SLC39A12: variants seen among roughly 807,000 people sequenced by gnomAD.
SLC39A12 encodes zinc transporter ZIP12.
Under a neutral mutation model 71.1 loss-of-function variants are expected in SLC39A12, and 63 were observed. The ratio of observed to expected loss-of-function variants is 0.89; its 90% CI spans 0.72 to 1.09. The LOEUF (loss-of-function observed/expected upper bound fraction) is 1.09. Among genes scored for constraint, SLC39A12 ranks in the 50% least tolerant of loss-of-function variants. The pLI is 0.00. For synonymous variants in SLC39A12, 351 were observed against 301.3 expected (o/e 1.16, Z -1.71); for missense variants, 892 against 812.6 (o/e 1.10, Z -1.19).
chr10:18,014,087 A>C (rs1024379235), intron 12 of SLC39A12, among the ~76,000 whole-genome samples: 2 of 152,202 alleles, frequency 1.3e-5, no homozygotes, highest in Non-Finnish European at 2.9e-5. Context: ...TTTCCAATCC[A>C]TGAACGTGAG....
chr10:18,040,316 G>A (rs1837185643), intron 12 of SLC39A12, among the ~76,000 whole-genome samples: 1 of 152,140 alleles, frequency 6.6e-6, no homozygotes, highest in African/African-American at 2.4e-5. Context: ...ACCCAGGAGA[G>A]CAGTTCTGGA....
At chr10:18,023,073 C>G (rs572362675) in intron 12 of SLC39A12, among the ~76,000 whole-genome samples, 1 of 152,180 alleles carries the variant, frequency 6.6e-6, no homozygotes, top group South Asian at 2.1e-4. Context: ...GAGTGCTGGT[C>G]ACAGATCTCA....
chr10:17,979,963 A>C (rs762555625), intron 5 of SLC39A12, among the ~76,000 whole-genome samples: 2 of 152,168 alleles, frequency 1.3e-5, no homozygotes, highest in South Asian at 2.1e-4. Context: ...CCAAACTGTG[A>C]AAGGAAGTAG....
At chr10:18,007,555 A>C (rs1237004776) in intron 12 of SLC39A12, among the ~76,000 whole-genome samples, 1 of 152,234 alleles carries the variant, frequency 6.6e-6, no homozygotes, top group East Asian at 1.9e-4. Context: ...TTATTAAGAA[A>C]GTAAAAGGAT....
In SLC39A12 at chr10:17,961,739, T is replaced by C. The variant is rs782455653; in HGVS notation, c.420T>C (p.Tyr140=). 1.4e-5 allele frequency: 23 copies of C among 1,613,988 alleles called. No individual in the cohort carries two copies. Among genetic ancestry groups the C allele is most frequent in the Middle Eastern group, 3.3e-4 (2 of 6,084 alleles). The change falls in exon 3 of 13, where the codon TAT becomes TAC. Residue 140 remains tyrosine, a synonymous_variant. Coordinates refer to ENST00000377369, the MANE Select transcript of SLC39A12 (RefSeq NM_001145195.2). ...SSKLNMSNKE[Y]KFYLHSLLSL... is the part of the protein sequence containing the mutation. ...AGCTCAACATGAGTAATAAAGAGTA[T>C]AAATTTTACCTACACAGCCTACTGA... is the stretch of plus-strand genomic sequence containing the variant.
chr10:18,036,775 TATATATATATATATATA>T (rs1377342246), intron 12 of SLC39A12, among the ~76,000 whole-genome samples: 4,173 of 22,250 alleles, frequency 0.19, 373 homozygotes, highest in Non-Finnish European at 0.26. Context: ...TATATATATA[TATATATATATATATATA>T]TATTTTTTTT....
chr10:17,979,093 C>T (rs1408686604), intron 5 of SLC39A12, among the ~76,000 whole-genome samples: 2 of 152,150 alleles, frequency 1.3e-5, no homozygotes, highest in African/African-American at 4.8e-5. Flanking sequence ...CTGATAACAT[C>T]AACACAAGTA....
At chr10:17,956,559 C>A (rs1292657172) in intron 2 of SLC39A12, among the ~76,000 whole-genome samples, 1 of 152,162 alleles carries the variant, frequency 6.6e-6, no homozygotes, top group Non-Finnish European at 1.5e-5. Flanking sequence ...GTTCCCTGTG[C>A]CTCACAGCAA....
intron 9 of SLC39A12, among the ~76,000 whole-genome samples, chr10:17,994,643 C>T (rs538986703): frequency 4.6e-5 from 7 of 152,068 alleles, no homozygotes; most frequent in African/African-American, 1.7e-4. Flanking sequence ...TTTCTATATC[C>T]TCCCAATTTC....
At chr10:18,038,050 A>AAAAAC (rs1837111469) in intron 12 of SLC39A12, among the ~76,000 whole-genome samples, 1 of 132,284 alleles carries the variant, frequency 7.6e-6, no homozygotes, top group African/African-American at 3.1e-5. Flanking sequence ...AAAAAAAAAA[A>AAAAAC]AGCACAGCTA....
intron 12 of SLC39A12, among the ~76,000 whole-genome samples, chr10:18,040,361 G>A (rs537716349): frequency 5.3e-5 from 8 of 152,298 alleles, no homozygotes; most frequent in African/African-American, 7.2e-5. Context: ...GCTCCATGCC[G>A]GGATGTGAGA....
At chr10:17,962,065 T>G (rs987616367) in intron 3 of SLC39A12, among the ~76,000 whole-genome samples, 1 of 152,040 alleles carries the variant, frequency 6.6e-6, no homozygotes, top group Non-Finnish European at 1.5e-5. Context: ...GGAAGAGCAG[T>G]TTTCGCCAGA....
At chr10:18,014,940 A>G (rs771983397) in intron 12 of SLC39A12, among the ~76,000 whole-genome samples, 7 of 152,184 alleles carry the variant, frequency 4.6e-5, no homozygotes, top group Non-Finnish European at 8.8e-5. Context: ...GAAAAGTAAA[A>G]AAGTAGTGTG....
intron 12 of SLC39A12, among the ~76,000 whole-genome samples, chr10:18,041,581 TACAC>T (rs1837229571): frequency 7.6e-6 from 1 of 131,210 alleles, no homozygotes; most frequent in Non-Finnish European, 1.6e-5. Context: ...CACACATACA[TACAC>T]ACACCATATA....
chr10:17,967,609 C>T (rs957392952), intron 4 of SLC39A12, among the ~76,000 whole-genome samples: 2 of 152,094 alleles, frequency 1.3e-5, no homozygotes, highest in Non-Finnish European at 1.5e-5. Flanking sequence ...CCAGGCCGGG[C>T]GCGGTGGCTC....
At chr10:17,977,646 G>A (rs935698875) in intron 4 of SLC39A12, among the ~76,000 whole-genome samples, 2 of 152,126 alleles carry the variant, frequency 1.3e-5, no homozygotes, top group Admixed American at 1.3e-4. Flanking sequence ...TATGATGGAT[G>A]TATAATGCCT....
At chr10:17,960,568 C>T (rs1347562406) in intron 2 of SLC39A12, among the ~76,000 whole-genome samples, 12 of 152,128 alleles carry the variant, frequency 7.9e-5, no homozygotes, top group South Asian at 2.1e-4. Context: ...GATAGAACTA[C>T]GCAAAAAGCA....
intron 12 of SLC39A12, among the ~76,000 whole-genome samples, chr10:18,033,078 C>T (rs1196733873): frequency 2.0e-5 from 3 of 150,152 alleles, no homozygotes; most frequent in African/African-American, 2.5e-5. Flanking sequence ...ATTTTTGCAT[C>T]AATGTTCATC....
intron 12 of SLC39A12, among the ~76,000 whole-genome samples, chr10:18,025,826 G>A (rs879915805): frequency 3.3e-5 from 5 of 152,034 alleles, no homozygotes; most frequent in Admixed American, 3.3e-4. Flanking sequence ...TTCCACCATG[G>A]TTCTCTTATT....
Sources: allele counts gnomAD v4.1 joint callset (sites outside exome capture counted in the v4.1 genomes callset), GRCh38; gene constraint gnomAD v4.1.1; transcripts MANE v1.5; gene names NCBI Gene and HGNC (gene_info 2026-07-23, HGNC 2026-07-21).